Variants in SGMS1 observed in about 807,000 individuals in gnomAD.
SGMS1 encodes the protein sphingomyelin synthase 1, also known as phosphatidylcholine:ceramide cholinephosphotransferase 1.
SGMS1 carries 13 observed loss-of-function variants against 46.2 expected under a neutral mutation model. The observed-to-expected ratio is 0.28, with a 90% CI of 0.18 to 0.45. The LOEUF (loss-of-function observed/expected upper bound fraction) is 0.45. Ranked by LOEUF, SGMS1 falls within the 20% of genes least tolerant of loss-of-function variation. SGMS1 has a pLI of 1.00. For missense variants in SGMS1, 324 were observed against 519.9 expected, an observed-to-expected ratio of 0.62 and a Z score of 3.66; for synonymous variants, 203 against 187.8, an observed-to-expected ratio of 1.08 and a Z score of -0.66.
intron 6 of SGMS1, among the ~76,000 whole-genome samples, chr10:50,393,179 T>C (rs1848800240): frequency 6.6e-6 from 1 of 152,132 alleles, no homozygotes; most frequent in Non-Finnish European, 1.5e-5. Context: ...AATCTACCCA[T>C]GCATACAGCA....
chr10:50,588,403 T>C (rs1180908398), intron 2 of SGMS1, among the ~76,000 whole-genome samples: 1 of 152,150 alleles, frequency 6.6e-6, no homozygotes, highest in Non-Finnish European at 1.5e-5. Context: ...GTAACTGAGA[T>C]TGGAAAGCAG....
intron 2 of SGMS1, among the ~76,000 whole-genome samples, chr10:50,561,618 C>T (rs9919413): frequency 0.21 from 32,269 of 152,122 alleles, 4,163 homozygotes; most frequent in East Asian, 0.64. Flanking sequence ...CCACAGACAC[C>T]GATTACAGAC....
chr10:50,562,554 CTT>C lies in SGMS1; in HGVS notation c.-589+27597_-589+27598del, dbSNP rs370650162. On this transcript the variant is annotated intron_variant, in intron 2 of 10. Transcript: ENST00000361781. The stretch of plus-strand genomic sequence containing the variant: ...ACAGGCTAAATATTGTCTCCACACT[CTT>C]TTTTTGAGACGGAGTCTCGCTCTGT... Among the ~76,000 whole-genome samples, 204 of 152,214 alleles carry C rather than the reference CTT, an allele frequency of 1.3e-3. 1 individual carries two copies. Among genetic ancestry groups the C allele is most frequent in the African/African-American group, 4.5e-3 (188 of 41,542 alleles).
chr10:50,456,778 G>A (rs1837196315), intron 5 of SGMS1, among the ~76,000 whole-genome samples: 1 of 152,164 alleles, frequency 6.6e-6, no homozygotes, highest in East Asian at 1.9e-4. Flanking sequence ...TGCAAATCAG[G>A]ATTTGAGAAG....
intron 6 of SGMS1, among the ~76,000 whole-genome samples, chr10:50,359,926 T>C (rs11005345): frequency 0.13 from 19,269 of 152,194 alleles, 1,358 homozygotes; most frequent in Middle Eastern, 0.21. Flanking sequence ...CTCTGGGTAA[T>C]AGAATTATGA....
intron 2 of SGMS1, among the ~76,000 whole-genome samples, chr10:50,524,855 C>T (rs1360185198): frequency 6.6e-6 from 1 of 152,112 alleles, no homozygotes; most frequent in African/African-American, 2.4e-5. Context: ...TATGACAACA[C>T]TGAAAGGGTA....
intron 6 of SGMS1, among the ~76,000 whole-genome samples, chr10:50,372,955 A>AT (rs397698648): frequency 1.3e-5 from 2 of 151,878 alleles, no homozygotes; most frequent in African/African-American, 4.8e-5. Flanking sequence ...TATAAAAAAA[A>AT]TATTCAAAAC....
At chr10:50,454,335 T>TA (rs1326420687) in intron 5 of SGMS1, among the ~76,000 whole-genome samples, 1 of 152,086 alleles carries the variant, frequency 6.6e-6, no homozygotes, top group Non-Finnish European at 1.5e-5. Context: ...AAAAACTAAC[T>TA]AATCAGCTAG....
chr10:50,366,687 A>G (rs932812221), intron 6 of SGMS1, among the ~76,000 whole-genome samples: 1 of 152,222 alleles, frequency 6.6e-6, no homozygotes, highest in Admixed American at 6.5e-5. Context: ...CATTCTCAGC[A>G]AACTATCAGA....
intron 5 of SGMS1, among the ~76,000 whole-genome samples, chr10:50,456,484 A>G (rs2133675708): frequency 6.6e-6 from 1 of 152,324 alleles, no homozygotes; most frequent in African/African-American, 2.4e-5. Context: ...TCCTAGCTTC[A>G]CAGGAGCCTT....
chr10:50,540,277 C>A (rs1838040387), intron 2 of SGMS1, among the ~76,000 whole-genome samples: 1 of 152,086 alleles, frequency 6.6e-6, no homozygotes, highest in Non-Finnish European at 1.5e-5. Flanking sequence ...AGAAAGCCAG[C>A]CCAGGGGAAG....
intron 2 of SGMS1, among the ~76,000 whole-genome samples, chr10:50,541,105 A>G (rs1838048010): frequency 6.6e-6 from 1 of 152,242 alleles, no homozygotes; most frequent in African/African-American, 2.4e-5. Context: ...CCAGCGTTGG[A>G]GACCTTGGGA....
At chr10:50,341,593 G>C (rs554209392) in intron 7 of SGMS1, among the ~76,000 whole-genome samples, 16 of 152,214 alleles carry the variant, frequency 1.1e-4, no homozygotes, top group Admixed American at 8.5e-4. Flanking sequence ...AAATCATCTA[G>C]ACTGAGACGT....
At chr10:50,460,311 G>T (rs1357424093) in intron 5 of SGMS1, among the ~76,000 whole-genome samples, 1 of 152,122 alleles carries the variant, frequency 6.6e-6, no homozygotes, top group Non-Finnish European at 1.5e-5. Context: ...AGTAACAGCT[G>T]GTTTATGAGA....
chr10:50,344,785 T>C (rs929959304), intron 6 of SGMS1, among the ~76,000 whole-genome samples: 2 of 151,760 alleles, frequency 1.3e-5, no homozygotes, highest in Non-Finnish European at 2.9e-5. Flanking sequence ...GGCAGGAGAA[T>C]GGTGTGAACC....
chr10:50,611,164 A>G (rs1838745938), intron 1 of SGMS1, among the ~76,000 whole-genome samples: 1 of 152,200 alleles, frequency 6.6e-6, no homozygotes, highest in East Asian at 1.9e-4. Flanking sequence ...CTTATGGTCC[A>G]TCTAGTCAAA....
At chr10:50,369,892 T>C (rs1004549760) in intron 6 of SGMS1, among the ~76,000 whole-genome samples, 1 of 152,258 alleles carries the variant, frequency 6.6e-6, no homozygotes, top group Non-Finnish European at 1.5e-5. Context: ...TGTAACCTAT[T>C]ACATACCTAG....
At position 50,327,281 on chromosome 10, in the gene SGMS1, A is replaced by G; in HGVS notation, c.665T>C (p.Leu222Pro). 1 of 1,611,052 alleles carries G rather than the reference A, an allele frequency of 6.2e-7. No homozygotes were observed. Among genetic ancestry groups the G allele is most frequent in the Non-Finnish European group, 8.5e-7 (1 of 1,178,500 alleles). Reference sequence around the variant, plus strand: ...CATTGTAATACACCGATACAGGTACAGCGTGCCAACTATGCAGAAAAATCT... The same window carrying G: ...CATTGTAATACACCGATACAGGTACGGCGTGCCAACTATGCAGAAAAATCT... ...SRRFFCIVGT[L>P]YLYRCITMYV... The change falls in exon 8 of 11, where the codon CTG (leucine) becomes CCG (proline). Residue 222 changes from leucine to proline, a missense_variant. Around this residue, in one of 2 missense-constraint regions of SGMS1, gnomAD observed 174 missense variants for 350.1 expected, o/e 0.50. Coordinates refer to ENST00000361781, the MANE Select transcript of SGMS1 (RefSeq NM_147156.4).
rs1838336330 is a variant in SGMS1, at chr10:50,571,537, A to G, written c.-589+18616T>C. 3.3e-5 allele frequency among the ~76,000 whole-genome samples: 5 copies of G among 152,242 alleles called. No homozygotes were observed. The South Asian group carries it at 8.3e-4, about 25-fold the overall frequency. ...AGAGTGGCACCACATAGTGTCCAGC[A>G]CATCACAATATTTGAGTATACTTAC... On this transcript the variant is annotated intron_variant, in intron 2 of 10. Coordinates refer to ENST00000361781, the MANE Select transcript of SGMS1 (RefSeq NM_147156.4).
Sources: gnomAD v4.1 joint callset for allele counts (sites outside exome capture counted in the v4.1 genomes callset) on GRCh38, gnomAD v4.1.1 for gene constraint, gnomAD v4.1.1 regional missense constraint, MANE v1.5 for transcripts, NCBI Gene and HGNC (gene_info 2026-07-23, HGNC 2026-07-21) for gene names.